PLEKHG1: variants seen among roughly 807,000 people sequenced by gnomAD.
PLEKHG1 encodes the protein pleckstrin homology and RhoGEF domain containing G1.
PLEKHG1 carries 44 observed loss-of-function variants against 100.8 expected under a neutral mutation model. The observed-to-expected ratio is 0.44, with a 90% CI of 0.34 to 0.56. PLEKHG1 has a LOEUF of 0.56. Among genes scored for constraint, PLEKHG1 ranks in the 20% least tolerant of loss-of-function variants. The probability of loss-of-function intolerance (pLI) is 0.01; values close to 1 mark genes in which losing one functional copy is unlikely to be tolerated. For synonymous variants in PLEKHG1, 640 were observed against 662.5 expected (o/e 0.97, Z 0.52); for missense variants, 1,545 against 1,720.9 (o/e 0.90, Z 1.81).
At chr6:150,611,224 G>A (rs1776813966) in intron 1 of PLEKHG1, among the ~76,000 whole-genome samples, 1 of 152,198 alleles carries the variant, frequency 6.6e-6, no homozygotes, top group African/African-American at 2.4e-5. Context: ...CTAATTGTGT[G>A]GGTTCTGAAT....
In PLEKHG1 at chr6:150,683,806, C is replaced by T; in HGVS notation, c.-99+33020C>T. ...GGGCGGAAGAGGCAGGAAACTGCTG[C>T]CTGGACAAATCGTGTTCTGGGCCAA... On this transcript the variant is annotated intron_variant, in intron 3 of 3. Transcript: ENST00000367326. The surrounding 1 kb of genome is among the most constrained non-coding windows in gnomAD (Gnocchi z 4.0). 9 of 1,288,752 alleles carry T rather than the reference C, an allele frequency of 7.0e-6. No homozygotes were observed. Among genetic ancestry groups the T allele is most frequent in the Non-Finnish European group, 9.1e-6 (9 of 988,636 alleles). 79.8% of individuals were successfully genotyped at this position (1,288,752 alleles called of 1,614,324 possible). A position where few individuals can be genotyped will look rare whatever the true frequency, so the allele number is the denominator to read the frequency against.
intron 3 of PLEKHG1, among the ~76,000 whole-genome samples, chr6:150,665,216 T>C (rs1311402483): frequency 6.6e-6 from 1 of 152,152 alleles, no homozygotes; most frequent in Non-Finnish European, 1.5e-5. Context: ...CTTAAATAAA[T>C]TATCGCTCTT....
chr6:150,677,171 T>A (rs575054012), intron 3 of PLEKHG1, among the ~76,000 whole-genome samples: 1 of 152,310 alleles, frequency 6.6e-6, no homozygotes, highest in African/African-American at 2.4e-5. Context: ...TCTGATTGAT[T>A]ATGGTACTCC....
At chr6:150,823,853 A>T (rs1020176523) in intron 14 of PLEKHG1, among the ~76,000 whole-genome samples, 177 bp downstream of exon 15, 1 of 152,158 alleles carries the variant, frequency 6.6e-6, no homozygotes, top group Non-Finnish European at 1.5e-5. Context: ...GCAAAGACTC[A>T]TCCTTATCAA....
chr6:150,602,986 CAGG>C (rs1423761737), intron 1 of PLEKHG1, among the ~76,000 whole-genome samples: 8 of 145,156 alleles, frequency 5.5e-5, no homozygotes, highest in African/African-American at 1.8e-4. Context: ...AAGGCTGAGG[CAGG>C]AGAATGGCGT....
chr6:150,713,584 C>A (rs1293409812), intron 3 of PLEKHG1, among the ~76,000 whole-genome samples: 1 of 152,112 alleles, frequency 6.6e-6, no homozygotes, highest in Admixed American at 6.5e-5. Context: ...ATTGTGATGA[C>A]CCCAAGGATG....
rs1438872626 is a variant in PLEKHG1 at position 150,840,101 on chromosome 6, G to A, written c.3363G>A (p.Arg1121=). ...AGATCAATACAAAAAGTACTCCCAG[G>A]CAATTGTCCGCAGCTTGCTCTGTGC... The change falls in exon 16 of 16, where the codon AGG becomes AGA. Residue 1121 remains arginine (R), a synonymous_variant. Transcript: ENST00000358517. The A allele has an allele frequency of 3.1e-6, 5 of 1,614,182 alleles. 1 individual carries two copies.
intron 3 of PLEKHG1, among the ~76,000 whole-genome samples, chr6:150,698,832 T>C (rs566411520): frequency 6.6e-6 from 1 of 152,316 alleles, no homozygotes; most frequent in Non-Finnish European, 1.5e-5. Context: ...TATCTGCAAA[T>C]GATTCAAAAA....
At chr6:150,602,968 C>G (rs1043851822) in intron 1 of PLEKHG1, among the ~76,000 whole-genome samples, 1 of 151,062 alleles carries the variant, frequency 6.6e-6, no homozygotes, top group Non-Finnish European at 1.5e-5. Flanking sequence ...GTAGTCCCAG[C>G]TACTCAAAAG....
intron 2 of PLEKHG1, among the ~76,000 whole-genome samples, chr6:150,751,096 G>T (rs534570420): frequency 1.3e-5 from 2 of 152,206 alleles, no homozygotes; most frequent in South Asian, 4.1e-4. Context: ...TTTCTAGTAC[G>T]TTCTAAAGTA....
chr6:150,836,049 T>G (rs1392806626), intron 15 of PLEKHG1, among the ~76,000 whole-genome samples: 1 of 152,204 alleles, frequency 6.6e-6, no homozygotes, highest in Non-Finnish European at 1.5e-5. Context: ...TGGTATGGTC[T>G]CAGGAAAGTG....
At chr6:150,834,086 G>A (rs1397129163) in intron 15 of PLEKHG1, among the ~76,000 whole-genome samples, 1 of 152,058 alleles carries the variant, frequency 6.6e-6, no homozygotes, top group Non-Finnish European at 1.5e-5. Flanking sequence ...TAACAGATAG[G>A]GAAACAAAGT....
intron 3 of PLEKHG1, among the ~76,000 whole-genome samples, chr6:150,659,503 A>G (rs1245829781): frequency 6.6e-6 from 1 of 152,150 alleles, no homozygotes; most frequent in African/African-American, 2.4e-5. Context: ...TGCTAAGCTC[A>G]TTTCAGTTTA....
chr6:150,687,896 G>T (rs370823936), intron 3 of PLEKHG1, among the ~76,000 whole-genome samples: 29 of 152,286 alleles, frequency 1.9e-4, no homozygotes, highest in African/African-American at 6.7e-4. Context: ...CTTTTAAGAG[G>T]TATAAAAAAC....
rs1270010606 is a variant in PLEKHG1, at chr6:150,683,360, C to A, written c.-99+32574C>A. 6.6e-6 allele frequency among the ~76,000 whole-genome samples: 1 copy of A among 152,018 alleles called. No individual in the cohort carries two copies. The highest frequency in any genetic ancestry group is 1.5e-5 in the Non-Finnish European group (1 of 68,032). Reference sequence around the variant, plus strand: ...TTTCCTTTCTCAGTGAGTCCCTTTTCTTGAGAGGAGAGGGGGTGTATATTA... The same window carrying A: ...TTTCCTTTCTCAGTGAGTCCCTTTTATTGAGAGGAGAGGGGGTGTATATTA... On this transcript the variant is annotated intron_variant, in intron 3 of 3. Coordinates refer to the PLEKHG1 transcript ENST00000367326. This position sits in a 1 kb window ranked among gnomAD's most constrained non-coding sequence, Gnocchi z 4.0.
At chr6:150,840,284 G>A (rs188066587) in exon 16 of PLEKHG1, 1 of 1,614,158 alleles carries the variant, frequency 6.2e-7, no homozygotes, top group East Asian at 2.2e-5. Flanking sequence ...ACAGGTCCCA[G>A]TCATCTTCCT....
At position 150,800,263 on chromosome 6, in the gene PLEKHG1, G is replaced by A. The variant is rs55908163; in HGVS notation, c.630-456G>A. On this transcript the variant is annotated intron_variant, in intron 5 of 15. Transcript: ENST00000358517. ...AGAGGGGGTGATTAAATGCTCTGAC[G>A]GGGGGCTGGATCTTCCAGCAGGAAG... Among the ~76,000 whole-genome samples, 707 of 152,188 alleles carry A rather than the reference G, an allele frequency of 4.6e-3. 7 individuals are homozygous for A. Among genetic ancestry groups the A allele is most frequent in the African/African-American group, 0.016 (666 of 41,512 alleles).
At chr6:150,726,694 C>G (rs1057472484) in intron 1 of PLEKHG1, among the ~76,000 whole-genome samples, 7 of 151,926 alleles carry the variant, frequency 4.6e-5, no homozygotes, top group Admixed American at 1.3e-4. Flanking sequence ...TCCTTCATCA[C>G]CAAATAACTA....
At chr6:150,838,440 A>G (rs755869570) in intron 15 of PLEKHG1, among the ~76,000 whole-genome samples, 1 of 152,172 alleles carries the variant, frequency 6.6e-6, no homozygotes, top group Non-Finnish European at 1.5e-5. Flanking sequence ...AGCTATCACT[A>G]CTGTTAGTGT....
Sources: gnomAD v4.1 joint callset for allele counts (sites outside exome capture counted in the v4.1 genomes callset) on GRCh38, gnomAD v4.1.1 for gene constraint, Gnocchi (gnomAD v3.1) non-coding constraint, MANE v1.5 for transcripts, NCBI Gene and HGNC (gene_info 2026-07-23, HGNC 2026-07-21) for gene names.